The following SMC6 variants were observed in gnomAD, a reference collection of about 807,000 sequenced individuals.
SMC6 encodes structural maintenance of chromosomes 6, also known as structural maintenance of chromosomes protein 6.
Under a neutral mutation model 142.2 loss-of-function variants are expected in SMC6, and 79 were observed. The ratio of observed to expected loss-of-function variants is 0.56; its 90% CI spans 0.46 to 0.67. The LOEUF (loss-of-function observed/expected upper bound fraction) is 0.67. Among genes scored for constraint, SMC6 ranks in the 30% least tolerant of loss-of-function variants. SMC6 has a pLI of 0.00. For synonymous variants in SMC6, 411 were observed against 412.4 expected (o/e 1.00, Z 0.04); for missense variants, 1,072 against 1,284.0 (o/e 0.83, Z 2.52).
At chr2:17,747,552 C>A (rs1670817879) in intron 2 of SMC6, among the ~76,000 whole-genome samples, 1 of 142,080 alleles carries the variant, frequency 7.0e-6, no homozygotes, top group Non-Finnish European at 1.5e-5. Flanking sequence ...GTCTCCCAGG[C>A]TAGAGTGCAG....
intron 19 of SMC6, 45 bp from the exon 20 acceptor site, chr2:17,701,954 A>G (rs1388761386): frequency 4.1e-6 from 4 of 985,936 alleles, no homozygotes; most frequent in East Asian, 5.2e-5. Flanking sequence ...AAAAAAATTT[A>G]AACCGAAAAC....
At chr2:17,742,210 T>C (rs1192093099) in intron 3 of SMC6, among the ~76,000 whole-genome samples, 1 of 152,190 alleles carries the variant, frequency 6.6e-6, no homozygotes, top group Non-Finnish European at 1.5e-5. Flanking sequence ...ACTTCCTATA[T>C]ACTTTATTTA....
At chr2:17,678,447 G>C (rs1485031325) in intron 25 of SMC6, among the ~76,000 whole-genome samples, 1 of 151,976 alleles carries the variant, frequency 6.6e-6, no homozygotes, top group African/African-American at 2.4e-5. Flanking sequence ...AAGACAACAG[G>C]TTAAAGTTTA....
intron 2 of SMC6, 162 bp from the exon 3 acceptor site, chr2:17,746,113 A>G (rs1413977263): frequency 3.1e-6 from 2 of 654,946 alleles, no homozygotes; most frequent in African/African-American, 1.9e-5. Context: ...ACTAAGGAAG[A>G]GGGACATGAG....
At chr2:17,674,563 G>A (rs1666918494) in intron 25 of SMC6, among the ~76,000 whole-genome samples, 1 of 152,116 alleles carries the variant, frequency 6.6e-6, no homozygotes, top group South Asian at 2.1e-4. Flanking sequence ...ATTTGGTTGT[G>A]TAATTTAAAT....
In SMC6 at chr2:17,730,947, T is replaced by C. The variant is rs1669888283; in HGVS notation, c.543+131A>G. 5.6e-6 allele frequency: 4 copies of C among 709,876 alleles called. No individual in the cohort carries two copies. In the East Asian group the frequency reaches 1.0e-4, roughly 19 times the overall value. 44.0% of individuals were successfully genotyped at this position (709,876 alleles called of 1,614,324 possible). A position where few individuals can be genotyped will look rare whatever the true frequency, so the allele number is the denominator to read the frequency against. On this transcript the variant is annotated intron_variant, in intron 7 of 27. Transcript: ENST00000448223. Reference sequence around the variant, plus strand: ...AAATTTTAAACAACTTCATTGATAATAGTTACACATATGCTTCCTGTGGTC... The same window carrying C: ...AAATTTTAAACAACTTCATTGATAACAGTTACACATATGCTTCCTGTGGTC...
At chr2:17,675,184 C>T (rs1572249068) in intron 25 of SMC6, among the ~76,000 whole-genome samples, 1 of 151,956 alleles carries the variant, frequency 6.6e-6, no homozygotes, top group South Asian at 2.1e-4. Flanking sequence ...AGTGGTTACT[C>T]TAGAGATTGC....
At chr2:17,748,708 AATTT>A (rs1424681830) in intron 2 of SMC6, among the ~76,000 whole-genome samples, 41 of 152,324 alleles carry the variant, frequency 2.7e-4, no homozygotes, top group Non-Finnish European at 4.7e-4. Context: ...ACTGAGCAGT[AATTT>A]ATTTATTATA....
At chr2:17,692,637 A>G (rs1349399777) in intron 23 of SMC6, among the ~76,000 whole-genome samples, 5 of 152,250 alleles carry the variant, frequency 3.3e-5, no homozygotes, top group Non-Finnish European at 5.9e-5. Context: ...TTCAGGACAT[A>G]GGCATGGGCA....
chr2:17,710,647 T>G (rs906745414), intron 16 of SMC6, among the ~76,000 whole-genome samples: 24 of 152,094 alleles, frequency 1.6e-4, no homozygotes, highest in African/African-American at 4.8e-4. Context: ...AGTGAAAAAG[T>G]GTTTCAGGAA....
chr2:17,750,896 T>C (rs1001037642), intron 2 of SMC6, among the ~76,000 whole-genome samples: 5 of 147,026 alleles, frequency 3.4e-5, no homozygotes, highest in Admixed American at 2.1e-4. Flanking sequence ...TCCCAGCTAC[T>C]CAGGAGGTTG....
At position 17,664,185 on chromosome 2, in the gene SMC6, T is replaced by C. The variant is rs1666394989; in HGVS notation, c.*1314A>G. ...TTTTAATACAAAGGCATTATAAGTG[T>C]AAATTTAAAAATCAGACTTTGTATG... On this transcript the variant is annotated 3_prime_UTR_variant, in exon 28 of 28. Coordinates refer to ENST00000448223, the MANE Select transcript of SMC6 (RefSeq NM_001142286.2). 6.6e-6 allele frequency: 1 copy of C among 152,240 alleles called. No homozygotes were observed. Among genetic ancestry groups the C allele is most frequent in the South Asian group, 2.1e-4 (1 of 4,834 alleles). The allele number at this position is 152,240 out of a possible 1,614,324, so 9.4% of individuals were successfully genotyped here.
rs1668208855 is a variant in SMC6, at chr2:17,700,339, C to T, written c.2263G>A (p.Val755Ile). ...TTTTGTTGCTCCATATGTTCCTCAA[C>T]CATTTTCATTTTGCTTTTATTTTCC... ...AQENKSKMKM[V>I]EEHMEQQKEN... is the part of the protein sequence containing the mutation. Residue 755 changes from valine (V) to isoleucine (I), a missense_variant, in exon 21 of 28, where the codon GTT becomes ATT. By Grantham distance (29) the Val-to-Ile change is conservative. This residue lies in a region of SMC6 where 994 missense variants were observed against 1,153.2 expected (regional missense o/e 0.86). Transcript: ENST00000448223. 1 of 1,608,026 alleles carries T rather than the reference C, an allele frequency of 6.2e-7. No individual in the cohort carries two copies. The highest frequency in any genetic ancestry group is 2.3e-5 in the East Asian group (1 of 44,444).
chr2:17,740,587 C>T (rs1670390136), intron 4 of SMC6, among the ~76,000 whole-genome samples: 1 of 152,192 alleles, frequency 6.6e-6, no homozygotes, highest in East Asian at 1.9e-4. Flanking sequence ...GGCGCAGTGG[C>T]TCACACCTGT....
intron 20 of SMC6, 64 bp from the exon 21 acceptor site, chr2:17,700,442 C>A (rs1668213129): frequency 7.7e-7 from 1 of 1,301,622 alleles, no homozygotes; most frequent in East Asian, 2.6e-5. Context: ...ATAGAAGAAA[C>A]ATAAAAATAA....
chr2:17,752,080 A>G (rs1001896637), intron 2 of SMC6, among the ~76,000 whole-genome samples: 10 of 152,226 alleles, frequency 6.6e-5, no homozygotes, highest in African/African-American at 2.2e-4. Context: ...ATATAACTAC[A>G]TAACTTTCTC....
intron 16 of SMC6, among the ~76,000 whole-genome samples, chr2:17,712,684 T>C (rs914938170): frequency 3.9e-5 from 6 of 152,290 alleles, no homozygotes; most frequent in South Asian, 2.1e-4. Context: ...CTAATAATAT[T>C]TTACTATTAT....
intron 25 of SMC6, among the ~76,000 whole-genome samples, chr2:17,677,992 T>A (rs1238289489): frequency 6.6e-6 from 1 of 152,156 alleles, no homozygotes; most frequent in East Asian, 1.9e-4. Context: ...GGATAGTTGT[T>A]CCTGACCTCC....
At chr2:17,735,070 T>A (rs989751968) in intron 5 of SMC6, among the ~76,000 whole-genome samples, 2 of 151,774 alleles carry the variant, frequency 1.3e-5, no homozygotes, top group African/African-American at 4.8e-5. Flanking sequence ...GCAAAATACT[T>A]CTAAAAAATA....
Sources: allele counts gnomAD v4.1 joint callset (sites outside exome capture counted in the v4.1 genomes callset), GRCh38; gene constraint gnomAD v4.1.1; regional missense constraint gnomAD v4.1.1; transcripts MANE v1.5; gene names NCBI Gene and HGNC (gene_info 2026-07-23, HGNC 2026-07-21).